MARCHF4: variants seen among roughly 807,000 people sequenced by gnomAD.
MARCHF4 encodes the protein membrane associated ring-CH-type finger 4, also known as E3 ubiquitin-protein ligase MARCHF4.
A neutral mutation model predicts 43.9 loss-of-function variants in MARCHF4; 14 were observed. The observed-to-expected ratio is 0.32, with a 90% CI of 0.21 to 0.50. The LOEUF is 0.50. Ranked by LOEUF, MARCHF4 falls within the 20% of genes least tolerant of loss-of-function variation. The pLI is 0.98. For synonymous variants in MARCHF4, 226 were observed against 213.3 expected, an observed-to-expected ratio of 1.06 and a Z score of -0.52; for missense variants, 468 against 536.7, an observed-to-expected ratio of 0.87 and a Z score of 1.27.
intron 2 of MARCHF4, among the ~76,000 whole-genome samples, chr2:216,278,706 A>G (rs1559088049): frequency 6.6e-6 from 1 of 152,172 alleles, no homozygotes; most frequent in Non-Finnish European, 1.5e-5. Context: ...AGATGTGGGG[A>G]GAGAGAAGAA....
chr2:216,283,832 A>G (rs1389641200), intron 1 of MARCHF4, 103 bp from the exon 2 acceptor site: 4 of 1,247,250 alleles, frequency 3.2e-6, no homozygotes, highest in African/African-American at 3.0e-5. Context: ...GAGCCACCCA[A>G]GTAGGCCACA....
chr2:216,361,003 G>C (rs1319210140), intron 1 of MARCHF4, among the ~76,000 whole-genome samples: 1 of 151,956 alleles, frequency 6.6e-6, no homozygotes, highest in Non-Finnish European at 1.5e-5. Context: ...TTGATGGTGG[G>C]GTTGCAGGGA....
intron 1 of MARCHF4, among the ~76,000 whole-genome samples, chr2:216,340,069 A>T (rs1692213624): frequency 6.6e-6 from 1 of 151,966 alleles, no homozygotes; most frequent in Non-Finnish European, 1.5e-5. Context: ...CCCTTTCCCA[A>T]ACCTCCCCTG....
chr2:216,303,440 A>C (rs1450633722), intron 1 of MARCHF4: 2 of 152,258 alleles, frequency 1.3e-5, no homozygotes, highest in Non-Finnish European at 2.9e-5. Context: ...TCAAGGGATA[A>C]ATTTTCTCAC....
At chr2:216,308,528 T>C (rs1434833694) in intron 1 of MARCHF4, among the ~76,000 whole-genome samples, 1 of 152,222 alleles carries the variant, frequency 6.6e-6, no homozygotes, top group Non-Finnish European at 1.5e-5. Flanking sequence ...GCAATCCATA[T>C]AGGCAGATGG....
chr2:216,326,971 T>A (rs538493469), intron 1 of MARCHF4, among the ~76,000 whole-genome samples: 2 of 145,662 alleles, frequency 1.4e-5, no homozygotes, highest in South Asian at 2.1e-4. Flanking sequence ...TAATAAAAAA[T>A]AAATAAATAA....
chr2:216,261,035 G>A (rs1690735694), intron 3 of MARCHF4, among the ~76,000 whole-genome samples: 1 of 152,158 alleles, frequency 6.6e-6, no homozygotes, highest in Non-Finnish European at 1.5e-5. Flanking sequence ...CTGCATGAAT[G>A]GGAAGCCATT....
At chr2:216,314,509 G>T (rs1019998767) in intron 1 of MARCHF4, among the ~76,000 whole-genome samples, 5 of 152,070 alleles carry the variant, frequency 3.3e-5, no homozygotes, top group Non-Finnish European at 7.4e-5. Context: ...TTTTTGTAGA[G>T]ATGGGTTTTC....
intron 1 of MARCHF4, among the ~76,000 whole-genome samples, chr2:216,368,711 C>T (rs1010093528): frequency 1.3e-5 from 2 of 152,240 alleles, no homozygotes; most frequent in African/African-American, 4.8e-5. Flanking sequence ...GAAGAAGTGG[C>T]TGATAGGAAC....
intron 3 of MARCHF4, among the ~76,000 whole-genome samples, chr2:216,261,422 C>T (rs960315090): frequency 1.1e-4 from 17 of 152,204 alleles, no homozygotes; most frequent in African/African-American, 3.9e-4. Context: ...TGTAAGAACA[C>T]TTGTGGCTAC....
chr2:216,283,185 C>T (rs915892329), intron 2 of MARCHF4, among the ~76,000 whole-genome samples: 1 of 152,106 alleles, frequency 6.6e-6, no homozygotes, highest in South Asian at 2.1e-4. Context: ...TGCCCTCTGG[C>T]CTTTCTCTCT....
chr2:216,285,586 A>G (rs2105941946), intron 1 of MARCHF4, among the ~76,000 whole-genome samples: 1 of 152,372 alleles, frequency 6.6e-6, no homozygotes, highest in East Asian at 1.9e-4. Flanking sequence ...TCTCTAGGAC[A>G]TGGCCAGCCT....
intron 3 of MARCHF4, among the ~76,000 whole-genome samples, chr2:216,275,172 A>G (rs962623982): frequency 1.3e-5 from 2 of 152,242 alleles, no homozygotes; most frequent in Admixed American, 6.5e-5. Context: ...ACTGAGTGCC[A>G]CATGTGTATA....
At chr2:216,320,657 TTCTTTCTTTCTTTCTTTC>T (rs1228505344) in intron 1 of MARCHF4, among the ~76,000 whole-genome samples, 19 of 122,030 alleles carry the variant, frequency 1.6e-4, no homozygotes, top group African/African-American at 5.0e-4. Flanking sequence ...CTTTCTTTCT[TTCTTTCTTTCTTTCTTTC>T]TTTTTTTTTT....
chr2:216,263,242 C>T (rs1345129006), intron 3 of MARCHF4, among the ~76,000 whole-genome samples: 2 of 152,204 alleles, frequency 1.3e-5, no homozygotes, highest in East Asian at 1.9e-4. Flanking sequence ...GCCAGGCCAA[C>T]ATGGTGAAAC....
At chr2:216,349,265 C>G (rs959604617) in intron 1 of MARCHF4, among the ~76,000 whole-genome samples, 3 of 152,330 alleles carry the variant, frequency 2.0e-5, no homozygotes, top group African/African-American at 7.2e-5. Context: ...CCTCTCCTGT[C>G]TTAGCAGAAA....
intron 1 of MARCHF4, among the ~76,000 whole-genome samples, chr2:216,314,904 A>T (rs1691749369): frequency 6.6e-6 from 1 of 152,332 alleles, no homozygotes; most frequent in East Asian, 1.9e-4. Context: ...GGAACAGAGA[A>T]GCCCTTTCTA....
At chr2:216,342,139 G>A (rs1223091501) in intron 1 of MARCHF4, among the ~76,000 whole-genome samples, 2 of 152,172 alleles carry the variant, frequency 1.3e-5, no homozygotes, top group Non-Finnish European at 2.9e-5. Context: ...TGTTTACATA[G>A]CCAGACTAGG....
chr2:216,294,923 G>A (rs1265905633), intron 1 of MARCHF4, among the ~76,000 whole-genome samples: 2 of 152,196 alleles, frequency 1.3e-5, no homozygotes, highest in African/African-American at 4.8e-5. Flanking sequence ...CCACTTGCTT[G>A]GTGAGGGATG....
Sources: allele counts gnomAD v4.1 joint callset (sites outside exome capture counted in the v4.1 genomes callset), GRCh38; gene constraint gnomAD v4.1.1; transcripts MANE v1.5; gene names NCBI Gene and HGNC (gene_info 2026-07-23, HGNC 2026-07-21).